ARHGAP17: variants seen among roughly 807,000 people sequenced by gnomAD.
ARHGAP17 encodes the protein rho GTPase-activating protein 17.
ARHGAP17 carries 57 observed loss-of-function variants against 99.5 expected under a neutral mutation model. That is an observed-to-expected ratio of 0.57 (90% confidence interval 0.46 to 0.71). ARHGAP17 has a LOEUF of 0.71. ARHGAP17 is among the 30% of genes least tolerant of loss of function. The pLI is 0.00. For missense variants in ARHGAP17, 1,000 were observed against 1,122.4 expected (o/e 0.89, Z 1.56); for synonymous variants, 417 against 429.6 (o/e 0.97, Z 0.36).
chr16:24,985,824 ACACACACATACATG>A (rs1325407790), intron 1 of ARHGAP17, among the ~76,000 whole-genome samples: 4 of 152,158 alleles, frequency 2.6e-5, no homozygotes, highest in Non-Finnish European at 5.9e-5. Context: ...ACACATACGT[ACACACACATACATG>A]CACACCCATA....
chr16:24,947,158 AC>A (rs1484560891), intron 14 of ARHGAP17, among the ~76,000 whole-genome samples: 1 of 152,224 alleles, frequency 6.6e-6, no homozygotes. Flanking sequence ...TGGAAGTGCT[AC>A]CCCTCCTACA....
intron 1 of ARHGAP17, among the ~76,000 whole-genome samples, chr16:24,989,932 G>A (rs2052986942): frequency 6.6e-6 from 1 of 152,156 alleles, no homozygotes; most frequent in Non-Finnish European, 1.5e-5. Flanking sequence ...GGAGGAATAA[G>A]TTCTAGTATT....
intron 9 of ARHGAP17, 124 bp downstream of exon 9, chr16:24,959,547 T>C (rs964796209): frequency 9.2e-6 from 8 of 865,214 alleles, no homozygotes; most frequent in African/African-American, 5.1e-5. Context: ...TGGGAAACAG[T>C]ACCCTCCTAG....
At chr16:24,945,047 A>C (rs2051428323) in intron 14 of ARHGAP17, among the ~76,000 whole-genome samples, 1 of 151,914 alleles carries the variant, frequency 6.6e-6, no homozygotes, top group Non-Finnish European at 1.5e-5. Flanking sequence ...AGAAGAAAAT[A>C]AGTAGGCCAG....
intron 19 of ARHGAP17, among the ~76,000 whole-genome samples, chr16:24,930,185 A>G (rs979070432): frequency 2.0e-5 from 3 of 152,218 alleles, no homozygotes; most frequent in African/African-American, 7.2e-5. Flanking sequence ...GTCTACAGGA[A>G]AATCTTGATT....
intron 1 of ARHGAP17, among the ~76,000 whole-genome samples, chr16:24,996,854 G>A (rs1409507757): frequency 1.3e-5 from 2 of 152,052 alleles, no homozygotes; most frequent in Non-Finnish European, 2.9e-5. Flanking sequence ...GGAAGGCCGA[G>A]GCAGGAGGAT....
At chr16:24,961,436 G>A (rs2051994842) in intron 7 of ARHGAP17, among the ~76,000 whole-genome samples, 1 of 150,928 alleles carries the variant, frequency 6.6e-6, no homozygotes, top group African/African-American at 2.4e-5. Context: ...AGGCTGAGGT[G>A]GGAGGATTGC....
intron 1 of ARHGAP17, among the ~76,000 whole-genome samples, chr16:24,987,782 C>T (rs1031522725): frequency 2.6e-5 from 4 of 152,016 alleles, no homozygotes; most frequent in Non-Finnish European, 1.5e-5. Flanking sequence ...CTGACTGATA[C>T]GTCAATTAAA....
intron 13 of ARHGAP17, among the ~76,000 whole-genome samples, chr16:24,948,466 T>A (rs2051538934): frequency 6.6e-6 from 1 of 152,074 alleles, no homozygotes; most frequent in Non-Finnish European, 1.5e-5. Flanking sequence ...TTTTGAACCA[T>A]GGGAATGTGC....
intron 1 of ARHGAP17, among the ~76,000 whole-genome samples, chr16:24,994,007 C>A (rs2053124715): frequency 1.3e-5 from 2 of 152,178 alleles, no homozygotes; most frequent in South Asian, 2.1e-4. Flanking sequence ...TTTAAACAGG[C>A]ATCTAGTGCT....
At chr16:24,948,730 C>T (rs13333459) in intron 13 of ARHGAP17, among the ~76,000 whole-genome samples, 1 of 151,510 alleles carries the variant, frequency 6.6e-6, no homozygotes, top group Non-Finnish European at 1.5e-5. Flanking sequence ...CACCTGTAAA[C>T]TATTCTGACT....
chr16:24,962,359 A>G (rs1308732818), intron 7 of ARHGAP17, among the ~76,000 whole-genome samples: 1 of 152,224 alleles, frequency 6.6e-6, no homozygotes, highest in African/African-American at 2.4e-5. Flanking sequence ...TGTACTCTCA[A>G]CGAAACAACA....
intron 6 of ARHGAP17, among the ~76,000 whole-genome samples, chr16:24,965,923 A>G (rs1218061005): frequency 6.6e-6 from 1 of 152,254 alleles, no homozygotes; most frequent in Non-Finnish European, 1.5e-5. Context: ...AGAATGAGAA[A>G]AAGTGGAAAT....
intron 9 of ARHGAP17, among the ~76,000 whole-genome samples, chr16:24,958,276 C>T (rs13338922): frequency 0.032 from 4,819 of 152,252 alleles, 265 homozygotes; most frequent in African/African-American, 0.11. Flanking sequence ...AAAATCCAAT[C>T]TCTCGTTTTT....
chr16:24,998,761 A>C lies in ARHGAP17; in HGVS notation c.53+16448T>G, dbSNP rs1030114430. On this transcript the variant is annotated intron_variant, in intron 1 of 19. Coordinates refer to ENST00000289968, the MANE Select transcript of ARHGAP17 (RefSeq NM_001006634.3). ...TCCCAGGTATGGAAGTGAAGGACCC[A>C]AAAAGAGGAATGAATCAGGCTATTA... is the stretch of plus-strand genomic sequence containing the variant. Among the ~76,000 whole-genome samples, 13 of 152,304 alleles carry C rather than the reference A, an allele frequency of 8.5e-5. No individual in the cohort carries two copies. In the East Asian group the frequency reaches 2.5e-3, roughly 29 times the overall value.
chr16:24,983,576 C>G (rs912429671), intron 1 of ARHGAP17, among the ~76,000 whole-genome samples: 6 of 152,142 alleles, frequency 3.9e-5, no homozygotes, highest in Non-Finnish European at 1.5e-5. Flanking sequence ...AAGTGCTAGG[C>G]GTGAGCCACT....
chr16:24,998,633 G>A (rs910837177), intron 1 of ARHGAP17, among the ~76,000 whole-genome samples: 3 of 152,208 alleles, frequency 2.0e-5, no homozygotes, highest in South Asian at 2.1e-4. Context: ...TAAGCCAAGC[G>A]CTGGACGGCA....
At chr16:25,010,453 C>A (rs759152055) in intron 1 of ARHGAP17, among the ~76,000 whole-genome samples, 1 of 152,248 alleles carries the variant, frequency 6.6e-6, no homozygotes, top group South Asian at 2.1e-4. Flanking sequence ...TAGTACAGCA[C>A]TTTGTAAACT....
rs778327033 is a variant in ARHGAP17, at chr16:24,954,592, G to A, written c.852+11C>T. On this transcript the variant is annotated intron_variant, in intron 10 of 19. Coordinates refer to ENST00000289968, the MANE Select transcript of ARHGAP17 (RefSeq NM_001006634.3). ...GAGACTTGGTGCACAGGATCACGAA[G>A]CTCCCCTCACCTCCTCCTTCATGCC... 2 of 1,610,662 alleles carry A rather than the reference G, an allele frequency of 1.2e-6. No homozygotes were observed. The highest frequency in any genetic ancestry group is 1.1e-5 in the South Asian group (1 of 90,416).
Sources: allele counts gnomAD v4.1 joint callset (sites outside exome capture counted in the v4.1 genomes callset), GRCh38; gene constraint gnomAD v4.1.1; transcripts MANE v1.5; gene names NCBI Gene and HGNC (gene_info 2026-07-23, HGNC 2026-07-21).